RAB2A: variants seen among roughly 807,000 people sequenced by gnomAD.
RAB2A encodes RAB2A, member RAS oncogene family.
A neutral mutation model predicts 32.5 loss-of-function variants in RAB2A; 7 were observed. That is an observed-to-expected ratio of 0.22 (90% confidence interval 0.12 to 0.40). The LOEUF is 0.40. Ranked by LOEUF, RAB2A falls within the 10% of genes least tolerant of loss-of-function variation. The pLI is 1.00. For synonymous variants in RAB2A, 79 were observed against 85.2 expected, an observed-to-expected ratio of 0.93 and a Z score of 0.40; for missense variants, 108 against 260.7, an observed-to-expected ratio of 0.41 and a Z score of 4.03.
Position 60,591,882 on chromosome 8 carries a change from A to T in RAB2A, c.387A>T (p.Val129=), listed in dbSNP as rs141013917. 13 of 1,610,088 alleles carry T rather than the reference A, an allele frequency of 8.1e-6. No individual in the cohort carries two copies. The highest frequency in any genetic ancestry group is 6.6e-5 in the South Asian group (6 of 90,906). The part of the protein sequence containing the change: ...NKSDLESRRE[V]KKEEGEAFAR... The stretch of plus-strand genomic sequence containing the variant: ...GTGATTTAGAATCTAGAAGAGAAGT[A>T]AAAAAAGAAGAAGGTGAAGCTTTTG... The change falls in exon 6 of 8, where the codon GTA becomes GTT. Residue 129 remains valine (V), a synonymous_variant. Coordinates refer to ENST00000262646, the MANE Select transcript of RAB2A (RefSeq NM_002865.3).
chr8:60,609,191 C>G (rs984394634), intron 6 of RAB2A, among the ~76,000 whole-genome samples: 1 of 152,066 alleles, frequency 6.6e-6, no homozygotes, highest in African/African-American at 2.4e-5. Context: ...TTACAGTGTT[C>G]TCTCCCCTTC....
intron 3 of RAB2A, 108 bp from the exon 4 acceptor site, chr8:60,584,100 C>G: frequency 1.1e-6 from 1 of 881,018 alleles, no homozygotes; most frequent in Non-Finnish European, 1.8e-6. Flanking sequence ...TTTCTTGTCT[C>G]TCTTTATGCA....
chr8:60,534,803 T>G (rs1368547046), intron 1 of RAB2A, among the ~76,000 whole-genome samples: 1 of 152,212 alleles, frequency 6.6e-6, no homozygotes, highest in Non-Finnish European at 1.5e-5. Context: ...TGCTTAACCC[T>G]CTGGATATCT....
chr8:60,547,361 T>A (rs1274194421), intron 1 of RAB2A, among the ~76,000 whole-genome samples: 1 of 152,234 alleles, frequency 6.6e-6, no homozygotes, highest in South Asian at 2.1e-4. Context: ...CCCCTTTCTA[T>A]TCCACAAAAC....
intron 3 of RAB2A, among the ~76,000 whole-genome samples, chr8:60,582,939 T>C (rs1468394727): frequency 6.6e-6 from 1 of 151,684 alleles, no homozygotes; most frequent in East Asian, 1.9e-4. Flanking sequence ...TGAGCCACCA[T>C]GCCCAGCCTA....
intron 1 of RAB2A, among the ~76,000 whole-genome samples, chr8:60,530,114 C>T (rs1807453016): frequency 6.6e-6 from 1 of 150,428 alleles, no homozygotes. Flanking sequence ...GTCACAGGCA[C>T]ATGCCACCAC....
intron 6 of RAB2A, among the ~76,000 whole-genome samples, chr8:60,611,133 C>T (rs114499969): frequency 2.0e-4 from 30 of 152,296 alleles, no homozygotes; most frequent in African/African-American, 6.7e-4. Context: ...TCGTTGCCAC[C>T]ATCTGACCTT....
chr8:60,586,104 A>G (rs1165179288), intron 5 of RAB2A, among the ~76,000 whole-genome samples: 3 of 152,096 alleles, frequency 2.0e-5, no homozygotes, highest in Admixed American at 2.0e-4. Flanking sequence ...GTTCAAGATC[A>G]GCCCGGGCAA....
chr8:60,569,920 C>T lies in RAB2A; in HGVS notation c.119-2126C>T, dbSNP rs550819638. On this transcript the variant is annotated intron_variant, in intron 2 of 7. Coordinates refer to ENST00000262646, the MANE Select transcript of RAB2A (RefSeq NM_002865.3). ...TGTCTGTAGTTATGTATGGAACCTACAGTAAGTTGGAAACTTGGTCTTGGA... is the reference window on the plus strand; with the variant it reads ...TGTCTGTAGTTATGTATGGAACCTATAGTAAGTTGGAAACTTGGTCTTGGA... 5.9e-4 allele frequency: 267 copies of T among 455,564 alleles called. 6 individuals carry two copies. The highest frequency in any genetic ancestry group is 4.0e-3 in the South Asian group (260 of 64,460). 28.2% of individuals were successfully genotyped at this position (455,564 alleles called of 1,614,324 possible).
chr8:60,587,327 C>T (rs1385666784), intron 5 of RAB2A, among the ~76,000 whole-genome samples: 1 of 152,110 alleles, frequency 6.6e-6, no homozygotes, highest in Non-Finnish European at 1.5e-5. Context: ...ATATGAACCT[C>T]AACTGTTACA....
intron 1 of RAB2A, among the ~76,000 whole-genome samples, chr8:60,553,571 G>A (rs1392470110): frequency 6.6e-6 from 1 of 152,174 alleles, no homozygotes; most frequent in Non-Finnish European, 1.5e-5. Context: ...CAGGTAACCA[G>A]TACTGTACAG....
At chr8:60,551,945 C>T (rs1027736485) in intron 1 of RAB2A, 16 of 141,394 alleles carry the variant, frequency 1.1e-4, no homozygotes, top group Non-Finnish European at 1.6e-4. Flanking sequence ...CTCACTGCAG[C>T]TTCCACTTCT....
At chr8:60,598,274 C>T (rs968834692) in intron 6 of RAB2A, among the ~76,000 whole-genome samples, 6 of 152,140 alleles carry the variant, frequency 3.9e-5, no homozygotes, top group Non-Finnish European at 8.8e-5. Context: ...TCCCCAAAAA[C>T]GAAACCTCTA....
chr8:60,547,951 C>T (rs1385122625), intron 1 of RAB2A, among the ~76,000 whole-genome samples: 1 of 59,350 alleles, frequency 1.7e-5, no homozygotes, highest in East Asian at 4.9e-4. Context: ...CCAGTAGGGG[C>T]GGCCGGGCAG....
chr8:60,591,331 CTCTG>C (rs953645250), intron 5 of RAB2A, among the ~76,000 whole-genome samples: 6 of 144,726 alleles, frequency 4.1e-5, no homozygotes, highest in Non-Finnish European at 9.1e-5. Flanking sequence ...CCCTCTCTCT[CTCTG>C]TCTATATCAA....
At chr8:60,521,939 T>A (rs764591721) in intron 1 of RAB2A, among the ~76,000 whole-genome samples, 1 of 152,182 alleles carries the variant, frequency 6.6e-6, no homozygotes, top group Non-Finnish European at 1.5e-5. Flanking sequence ...GTTTCTTTGA[T>A]GCAAGTGATT....
chr8:60,604,130 G>A (rs1184211607), intron 6 of RAB2A, among the ~76,000 whole-genome samples: 1 of 152,074 alleles, frequency 6.6e-6, no homozygotes, highest in Non-Finnish European at 1.5e-5. Flanking sequence ...AAAGCATGTA[G>A]TACCTCCCAC....
At chr8:60,577,889 G>T (rs527391895) in intron 3 of RAB2A, among the ~76,000 whole-genome samples, 4 of 140,162 alleles carry the variant, frequency 2.9e-5, no homozygotes, top group Non-Finnish European at 6.0e-5. Flanking sequence ...TGATCCACCC[G>T]CCTCAGCTTC....
At chr8:60,617,600 G>A (rs1201096493) in intron 6 of RAB2A, among the ~76,000 whole-genome samples, 1 of 151,942 alleles carries the variant, frequency 6.6e-6, no homozygotes, top group East Asian at 1.9e-4. Flanking sequence ...CAATTCGTTA[G>A]CTGGGTGTGG....
Sources: allele counts gnomAD v4.1 joint callset (sites outside exome capture counted in the v4.1 genomes callset), GRCh38; gene constraint gnomAD v4.1.1; transcripts MANE v1.5; gene names NCBI Gene and HGNC (gene_info 2026-07-23, HGNC 2026-07-21).